MAF: variants seen among roughly 807,000 people sequenced by gnomAD.
MAF encodes the protein transcription factor Maf.
In MAF, 10 loss-of-function variants were observed where a neutral mutation model predicts 22.0. The observed-to-expected ratio is 0.45, with a 90% CI of 0.28 to 0.77. The LOEUF is 0.77. MAF is among the 30% of genes least tolerant of loss of function. The pLI, the probability that MAF is intolerant of heterozygous loss-of-function variation, is 0.12. For synonymous variants in MAF, 337 were observed against 255.8 expected (o/e 1.32, Z -3.03); for missense variants, 544 against 548.4 (o/e 0.99, Z 0.08).
the MAF span, among the ~76,000 whole-genome samples, chr16:79,545,924 G>A: frequency 1.3e-5 from 2 of 152,026 alleles, no homozygotes; most frequent in Non-Finnish European, 2.9e-5. Context: ...ATAAGTATGT[G>A]GGGTAATGCA....
At chr16:79,436,860 A>G in the MAF span, among the ~76,000 whole-genome samples, 2 of 152,186 alleles carry the variant, frequency 1.3e-5, no homozygotes, top group African/African-American at 4.8e-5. Flanking sequence ...GTCTGCACAC[A>G]CAGGCTCGAC....
chr16:79,413,224 T>TA, the MAF span, among the ~76,000 whole-genome samples: 1 of 18,332 alleles, frequency 5.5e-5, no homozygotes, highest in Non-Finnish European at 1.0e-4. Flanking sequence ...TTTTTTTTTT[T>TA]TTTTTTTTTT....
the MAF span, among the ~76,000 whole-genome samples, chr16:79,541,653 GT>G: frequency 1.4e-5 from 2 of 147,184 alleles, no homozygotes; most frequent in East Asian, 2.0e-4. Flanking sequence ...AGCTACTAGG[GT>G]TTTTTTAGTT....
the MAF span, among the ~76,000 whole-genome samples, chr16:79,211,035 G>GTGTGTGTGTA: frequency 0.048 from 14 of 290 alleles, no homozygotes; most frequent in African/African-American, 0.13. Flanking sequence ...ATGGTGAGGA[G>GTGTGTGTGTA]TGTGTGTGTG....
the MAF span, among the ~76,000 whole-genome samples, chr16:79,536,436 A>G: frequency 6.6e-6 from 1 of 152,206 alleles, no homozygotes; most frequent in Admixed American, 6.5e-5. Flanking sequence ...TGAGGTCAGG[A>G]GTTCAAGACC....
At chr16:79,297,716 C>T in the MAF span, among the ~76,000 whole-genome samples, 1 of 152,190 alleles carries the variant, frequency 6.6e-6, no homozygotes, top group Non-Finnish European at 1.5e-5. Context: ...AAAGTGGTCT[C>T]AGTGCTATCA....
chr16:79,595,648 T>C (rs1238069410), intron 1 of MAF: 25 of 1,057,710 alleles, frequency 2.4e-5, no homozygotes, highest in Non-Finnish European at 2.7e-5. Flanking sequence ...AAGGGATCTT[T>C]AAGTCAGCCC....
chr16:79,530,679 T>C, the MAF span, among the ~76,000 whole-genome samples: 3 of 152,214 alleles, frequency 2.0e-5, no homozygotes, highest in Non-Finnish European at 4.4e-5. Context: ...GTGCTTATTA[T>C]TTTTATCATC....
At chr16:79,211,392 C>CT in the MAF span, among the ~76,000 whole-genome samples, 1 of 152,284 alleles carries the variant, frequency 6.6e-6, no homozygotes. Context: ...GTTACACCAG[C>CT]TTTACAAGCG....
the MAF span, among the ~76,000 whole-genome samples, chr16:79,363,546 T>A: frequency 6.6e-6 from 1 of 152,248 alleles, no homozygotes; most frequent in Admixed American, 6.5e-5. Context: ...GGATGGGCAC[T>A]GGAAGCGTGG....
intron 1 of MAF, 65 bp downstream of exon 1, chr16:79,598,720 A>C (rs1356647427): frequency 6.2e-7 from 1 of 1,606,582 alleles, no homozygotes; most frequent in Non-Finnish European, 8.5e-7. Flanking sequence ...GCAAGCCCAC[A>C]CCCGAGCCGG....
At chr16:79,436,293 G>A in the MAF span, among the ~76,000 whole-genome samples, 4 of 152,284 alleles carry the variant, frequency 2.6e-5, no homozygotes, top group East Asian at 5.8e-4. Context: ...ATGTTGGCCA[G>A]ACTGGTCTTG....
At chr16:79,577,861 T>A in the MAF span, among the ~76,000 whole-genome samples, 1 of 152,200 alleles carries the variant, frequency 6.6e-6, no homozygotes, top group African/African-American at 2.4e-5. Context: ...ATGTATATTT[T>A]AAAACTTCCA....
chr16:79,288,458 GC>G, the MAF span, among the ~76,000 whole-genome samples: 14 of 152,142 alleles, frequency 9.2e-5, no homozygotes. Context: ...TGCCTATTCA[GC>G]CCCCAGCCCT....
the MAF span, among the ~76,000 whole-genome samples, chr16:79,430,664 A>G: frequency 6.6e-6 from 1 of 152,156 alleles, no homozygotes; most frequent in Non-Finnish European, 1.5e-5. Context: ...CTGGCAGGGG[A>G]GAGGGTGCCT....
the MAF span, among the ~76,000 whole-genome samples, chr16:79,260,993 G>C: frequency 6.6e-6 from 1 of 151,674 alleles, no homozygotes; most frequent in African/African-American, 2.4e-5. Flanking sequence ...TACAGGAGAG[G>C]AGGCTGTTCC....
At chr16:79,384,771 A>T in the MAF span, among the ~76,000 whole-genome samples, 630 of 152,276 alleles carry the variant, frequency 4.1e-3, 1 homozygote, top group African/African-American at 0.014. Flanking sequence ...AAAATAAAAT[A>T]AAATAAAATT....
At chr16:79,586,947 C>G (rs775273212) in intron 1 of MAF, among the ~76,000 whole-genome samples, 10 of 152,248 alleles carry the variant, frequency 6.6e-5, no homozygotes, top group Non-Finnish European at 1.0e-4. Flanking sequence ...TAATCCCCCA[C>G]ACTTTTATTT....
At chr16:79,428,871 A>G in the MAF span, among the ~76,000 whole-genome samples, 8 of 151,326 alleles carry the variant, frequency 5.3e-5, no homozygotes, top group Admixed American at 1.3e-4. Flanking sequence ...TAATAATAAT[A>G]GTAATAATGA....
Sources: gnomAD v4.1 joint callset for allele counts (sites outside exome capture counted in the v4.1 genomes callset) on GRCh38, gnomAD v4.1.1 for gene constraint, MANE v1.5 for transcripts, NCBI Gene and HGNC (gene_info 2026-07-23, HGNC 2026-07-21) for gene names.